Variants in PTPRM observed in about 807,000 individuals in gnomAD.
The protein encoded by PTPRM is protein tyrosine phosphatase receptor type M.
In PTPRM, 47 loss-of-function variants were observed where a neutral mutation model predicts 186.7. The observed-to-expected ratio is 0.25, with a 90% CI of 0.20 to 0.32. The LOEUF (loss-of-function observed/expected upper bound fraction) is 0.32, where lower values mean the gene tolerates loss of function less well. Among genes scored for constraint, PTPRM ranks in the 10% least tolerant of loss-of-function variants. The pLI, the probability that PTPRM is intolerant of heterozygous loss-of-function variation, is 1.00. For synonymous variants in PTPRM, 668 were observed against 674.9 expected, an observed-to-expected ratio of 0.99 and a Z score of 0.16; for missense variants, 1,494 against 1,865.0, an observed-to-expected ratio of 0.80 and a Z score of 3.66.
At chr18:7,605,737 C>T (rs57630379) in intron 1 of PTPRM, among the ~76,000 whole-genome samples, 7,665 of 152,106 alleles carry the variant, frequency 0.05, 315 homozygotes, top group East Asian at 0.12. Context: ...AGGTTCAGGC[C>T]CTCATTCTGC....
chr18:8,318,074 TG>T, intron 21 of PTPRM, among the ~76,000 whole-genome samples: 1 of 152,314 alleles, frequency 6.6e-6, no homozygotes, highest in Non-Finnish European at 1.5e-5. Context: ...TGATCTAACA[TG>T]TGCATTTAAG....
At chr18:8,248,250 T>G (rs1004912074) in intron 17 of PTPRM, 74 bp downstream of exon 17, 125 of 1,351,266 alleles carry the variant, frequency 9.3e-5, no homozygotes, top group Middle Eastern at 5.4e-4. Context: ...TGTAGGAGAT[T>G]GGAGTTTTAA....
chr18:8,153,977 T>C (rs2058470), intron 14 of PTPRM, among the ~76,000 whole-genome samples: 6,683 of 152,294 alleles, frequency 0.044, 325 homozygotes, highest in African/African-American at 0.12. Flanking sequence ...TGGTAGGTAG[T>C]AGCCACTGGT....
chr18:8,354,579 C>G (rs2095553744), intron 23 of PTPRM, among the ~76,000 whole-genome samples: 1 of 151,786 alleles, frequency 6.6e-6, no homozygotes, highest in Non-Finnish European at 1.5e-5. Flanking sequence ...GCTCTTATCA[C>G]AGCTACCCTG....
intron 3 of PTPRM, among the ~76,000 whole-genome samples, chr18:7,903,049 G>T (rs1019454674): frequency 6.6e-6 from 1 of 152,206 alleles, no homozygotes. Flanking sequence ...TTCAGACATT[G>T]TAGTTGATAA....
chr18:7,828,121 A>G (rs1412304983), intron 2 of PTPRM, among the ~76,000 whole-genome samples: 1 of 152,234 alleles, frequency 6.6e-6, no homozygotes, highest in African/African-American at 2.4e-5. Context: ...ATGTGGTCCT[A>G]TCTCATAATT....
At chr18:7,655,315 G>T (rs139592171) in intron 1 of PTPRM, among the ~76,000 whole-genome samples, 1 of 152,034 alleles carries the variant, frequency 6.6e-6, no homozygotes, top group Non-Finnish European at 1.5e-5. Context: ...CTGCCTCAGC[G>T]TCCCAAAGTG....
At chr18:8,095,987 C>A (rs144571355) in intron 11 of PTPRM, among the ~76,000 whole-genome samples, 1 of 152,086 alleles carries the variant, frequency 6.6e-6, no homozygotes, top group South Asian at 2.1e-4. Flanking sequence ...TTTGGAAGAA[C>A]CTTCTGGATC....
At chr18:7,884,161 A>G (rs1231771564) in intron 2 of PTPRM, among the ~76,000 whole-genome samples, 1 of 152,144 alleles carries the variant, frequency 6.6e-6, no homozygotes, top group East Asian at 1.9e-4. Context: ...AAAGAGCCAC[A>G]TAATTTTAAA....
intron 1 of PTPRM, among the ~76,000 whole-genome samples, chr18:7,648,720 G>A (rs2038624697): frequency 6.6e-6 from 1 of 152,180 alleles, no homozygotes; most frequent in East Asian, 1.9e-4. Context: ...ATAAAAGCTG[G>A]AAGCTAGCAG....
In PTPRM at chr18:8,372,295, C is replaced by T. The variant is rs1412550901; in HGVS notation, c.3171+1289C>T. On this transcript the variant is annotated intron_variant, in intron 24 of 32. Coordinates refer to ENST00000580170, the MANE Select transcript of PTPRM (RefSeq NM_001105244.2). ...TTCACCTTGTTAGCCAGGATGGTCTCGATCTCCTGACCTCATGATCCACCC... is the reference window on the plus strand; with the variant it reads ...TTCACCTTGTTAGCCAGGATGGTCTTGATCTCCTGACCTCATGATCCACCC... 4.0e-5 allele frequency among the ~76,000 whole-genome samples: 6 copies of T among 149,344 alleles called. 1 individual carries two copies. Among genetic ancestry groups the T allele is most frequent in the South Asian group, 2.1e-4 (1 of 4,690 alleles).
chr18:8,360,159 A>T lies in PTPRM; in HGVS notation c.3055-10731A>T, dbSNP rs571407733. 2.6e-5 allele frequency among the ~76,000 whole-genome samples: 4 copies of T among 152,372 alleles called. No homozygotes were observed. In the South Asian group the frequency reaches 8.3e-4, roughly 32 times the overall value. ...CTAACAAAGTGGCAAAGACATCAGT[A>T]TCTCTACTTTAGTTTCATGAACTAA... On this transcript the variant is annotated intron_variant, in intron 23 of 32. Coordinates refer to ENST00000580170, the MANE Select transcript of PTPRM (RefSeq NM_001105244.2).
chr18:8,375,953 T>C, intron 24 of PTPRM, 93 bp from the exon 25 acceptor site: 1 of 1,356,978 alleles, frequency 7.4e-7, no homozygotes, highest in South Asian at 1.3e-5. Context: ...ACTTGCTACC[T>C]GGGGACTGTT....
chr18:7,823,881 C>G (rs2045341929), intron 2 of PTPRM, among the ~76,000 whole-genome samples: 1 of 152,074 alleles, frequency 6.6e-6, no homozygotes, highest in Non-Finnish European at 1.5e-5. Flanking sequence ...ATAAACTCCC[C>G]TTCATCTGTA....
At chr18:7,885,774 G>A (rs1478560407) in intron 2 of PTPRM, among the ~76,000 whole-genome samples, 1 of 152,232 alleles carries the variant, frequency 6.6e-6, no homozygotes, top group Non-Finnish European at 1.5e-5. Context: ...AGACACAAGA[G>A]TGTAAGAGCA....
chr18:8,209,772 A>G (rs940178302), intron 14 of PTPRM, among the ~76,000 whole-genome samples: 2 of 152,030 alleles, frequency 1.3e-5, no homozygotes, highest in Non-Finnish European at 2.9e-5. Flanking sequence ...GAGTCGAACA[A>G]TGAGAACACA....
intron 22 of PTPRM, among the ~76,000 whole-genome samples, chr18:8,323,151 C>T (rs1237526114): frequency 1.3e-5 from 2 of 152,114 alleles, no homozygotes; most frequent in African/African-American, 2.4e-5. Flanking sequence ...AATTTTAAAA[C>T]TTACCTCAAG....
chr18:8,165,167 C>CAAA (rs59978316), intron 14 of PTPRM, among the ~76,000 whole-genome samples: 2 of 103,274 alleles, frequency 1.9e-5, no homozygotes, highest in Non-Finnish European at 4.3e-5. Context: ...GACTCCATCT[C>CAAA]AAAAAAAAAA....
chr18:8,084,277 T>G (rs1471426430), intron 9 of PTPRM, among the ~76,000 whole-genome samples: 1 of 152,182 alleles, frequency 6.6e-6, no homozygotes, highest in African/African-American at 2.4e-5. Context: ...GAGGTTTAGA[T>G]CCGTCTCCTC....
Sources: gnomAD v4.1 joint callset for allele counts (sites outside exome capture counted in the v4.1 genomes callset) on GRCh38, gnomAD v4.1.1 for gene constraint, MANE v1.5 for transcripts, NCBI Gene and HGNC (gene_info 2026-07-23, HGNC 2026-07-21) for gene names.